DAB1: variants seen among roughly 807,000 people sequenced by gnomAD.
DAB1 encodes DAB adaptor protein 1, also known as disabled homolog 1.
In DAB1, 15 loss-of-function variants were observed where a neutral mutation model predicts 64.6. The observed-to-expected ratio is 0.23, with a 90% CI of 0.16 to 0.36. DAB1 has a LOEUF of 0.36. Among genes scored for constraint, DAB1 ranks in the 10% least tolerant of loss-of-function variants. DAB1 has a pLI of 1.00. For missense variants in DAB1, 596 were observed against 706.7 expected (o/e 0.84, Z 1.78); for synonymous variants, 235 against 251.9 (o/e 0.93, Z 0.64).
intron 7 of DAB1, among the ~76,000 whole-genome samples, chr1:57,589,467 T>C (rs957830789): frequency 6.6e-6 from 1 of 151,786 alleles, no homozygotes; most frequent in Admixed American, 6.6e-5. Flanking sequence ...AGCTCTCTGA[T>C]ATAAAGAGGC....
At chr1:57,984,995 G>A (rs989514274) in intron 5 of DAB1, among the ~76,000 whole-genome samples, 45 of 151,774 alleles carry the variant, frequency 3.0e-4, no homozygotes, top group African/African-American at 7.2e-4. Flanking sequence ...TGCAACCTCC[G>A]CCTCCCAGGT....
chr1:57,788,733 C>G (rs771332488), intron 6 of DAB1, among the ~76,000 whole-genome samples: 7 of 152,136 alleles, frequency 4.6e-5, no homozygotes, highest in Non-Finnish European at 8.8e-5. Flanking sequence ...GAGCCTGATT[C>G]TTCTAACTAT....
chr1:57,637,938 G>A (rs1055973152), intron 7 of DAB1, among the ~76,000 whole-genome samples: 2 of 152,108 alleles, frequency 1.3e-5, no homozygotes, highest in Non-Finnish European at 2.9e-5. Flanking sequence ...TTACTCAATG[G>A]AATATTATTC....
intron 1 of DAB1, among the ~76,000 whole-genome samples, chr1:57,367,118 T>TAAAATAAAATAAAATA (rs200326231): frequency 6.9e-5 from 9 of 130,006 alleles, no homozygotes; most frequent in Non-Finnish European, 1.2e-4. Context: ...TAAAATAAAA[T>TAAAATAAAATAAAATA]AAATAAATTA....
chr1:58,498,424 C>T (rs1455944887), intron 3 of DAB1, among the ~76,000 whole-genome samples: 1 of 152,092 alleles, frequency 6.6e-6, no homozygotes, highest in Non-Finnish European at 1.5e-5. Context: ...ATTTCCAACT[C>T]TCTCCCTTAA....
chr1:57,583,694 A>G (rs151071249), intron 7 of DAB1, among the ~76,000 whole-genome samples: 2 of 152,316 alleles, frequency 1.3e-5, no homozygotes, highest in East Asian at 1.9e-4. Flanking sequence ...TGCATCAAAC[A>G]AATCATATGT....
At chr1:57,305,285 G>C (rs913730759) in intron 1 of DAB1, among the ~76,000 whole-genome samples, 1 of 152,196 alleles carries the variant, frequency 6.6e-6, no homozygotes, top group Non-Finnish European at 1.5e-5. Flanking sequence ...GTGACTTTCA[G>C]TCTAGGAAGC....
intron 1 of DAB1, among the ~76,000 whole-genome samples, chr1:57,394,568 T>C (rs1682652505): frequency 1.3e-5 from 2 of 152,338 alleles, no homozygotes; most frequent in South Asian, 4.1e-4. Flanking sequence ...AGGAAATGCT[T>C]CTGAATGAAC....
chr1:57,612,102 C>A (rs1488040761), intron 7 of DAB1, among the ~76,000 whole-genome samples: 4 of 152,158 alleles, frequency 2.6e-5, no homozygotes, highest in Non-Finnish European at 4.4e-5. Context: ...ATAAATGTCA[C>A]CTCCTAAGAC....
chr1:57,456,201 G>T (rs1212948715), intron 7 of DAB1, among the ~76,000 whole-genome samples: 2 of 152,048 alleles, frequency 1.3e-5, no homozygotes, highest in African/African-American at 4.8e-5. Flanking sequence ...TCAGTGCTCA[G>T]GTATTTCATT....
At chr1:57,153,076 C>T (rs1192961140) in intron 2 of DAB1, among the ~76,000 whole-genome samples, 9 of 152,094 alleles carry the variant, frequency 5.9e-5, no homozygotes, top group African/African-American at 9.7e-5. Context: ...TCCAGGCTGA[C>T]GTGCAGTGGT....
chr1:58,017,018 A>G (rs996481490), intron 5 of DAB1, among the ~76,000 whole-genome samples: 1 of 152,118 alleles, frequency 6.6e-6, no homozygotes, highest in African/African-American at 2.4e-5. Context: ...GGTGAAGAAA[A>G]GTTGAATCTC....
chr1:58,028,267 C>A (rs559111126), intron 5 of DAB1, among the ~76,000 whole-genome samples: 4 of 152,320 alleles, frequency 2.6e-5, no homozygotes, highest in East Asian at 3.9e-4. Context: ...ACATTTTCAT[C>A]AACTGATCAA....
chr1:57,430,201 C>T (rs952129504), intron 7 of DAB1, among the ~76,000 whole-genome samples: 5 of 151,992 alleles, frequency 3.3e-5, no homozygotes, highest in Non-Finnish European at 7.4e-5. Flanking sequence ...TCTTTCACAT[C>T]GATAGTTAAA....
intron 7 of DAB1, among the ~76,000 whole-genome samples, chr1:57,445,911 GA>G (rs889847467): frequency 4.0e-5 from 6 of 151,796 alleles, no homozygotes; most frequent in South Asian, 2.1e-4. Context: ...GGTACATAAT[GA>G]AAAAAAACTG....
chr1:58,238,257 G>A lies in DAB1; in HGVS notation n.310-87669C>T, dbSNP rs565534198. On this transcript the variant is annotated intron_variant and non_coding_transcript_variant, in intron 4 of 20. Coordinates refer to the DAB1 transcript ENST00000485760. ...GCTGGGTGCTCTGACTACATCCAGG[G>A]AAGTCACCTCACCCAGTCCAGGAAG... 2.6e-5 allele frequency among the ~76,000 whole-genome samples: 4 copies of A among 152,288 alleles called. No homozygotes were observed. In the South Asian group the frequency reaches 6.2e-4, roughly 24 times the overall value.
chr1:57,282,835 TATAG>T (rs1299835564), intron 2 of DAB1, among the ~76,000 whole-genome samples: 1 of 152,220 alleles, frequency 6.6e-6, no homozygotes, highest in African/African-American at 2.4e-5. Flanking sequence ...ACAGAGTTCA[TATAG>T]AATGATTAGC....
At chr1:57,242,736 A>C (rs374159075) in intron 2 of DAB1, among the ~76,000 whole-genome samples, 2 of 152,206 alleles carry the variant, frequency 1.3e-5, no homozygotes, top group Non-Finnish European at 2.9e-5. Context: ...ATTTACTAAC[A>C]AATGCTAAAT....
intron 4 of DAB1, among the ~76,000 whole-genome samples, chr1:58,304,359 C>T (rs753706404): frequency 1.3e-5 from 2 of 152,162 alleles, no homozygotes; most frequent in Non-Finnish European, 2.9e-5. Flanking sequence ...TTCCTAATTT[C>T]TTCAGCCATT....
Sources: gnomAD v4.1 joint callset for allele counts (sites outside exome capture counted in the v4.1 genomes callset) on GRCh38, gnomAD v4.1.1 for gene constraint, MANE v1.5 for transcripts, NCBI Gene and HGNC (gene_info 2026-07-23, HGNC 2026-07-21) for gene names.